The following ZNF804B variants were observed in gnomAD, a reference collection of about 807,000 sequenced individuals.
ZNF804B encodes the protein zinc finger 804B.
ZNF804B carries 80 observed loss-of-function variants against 101.4 expected under a neutral mutation model. The ratio of observed to expected loss-of-function variants is 0.79; its 90% CI spans 0.66 to 0.95. The LOEUF (loss-of-function observed/expected upper bound fraction) is 0.95. Among genes scored for constraint, ZNF804B ranks in the 40% least tolerant of loss-of-function variants. The pLI is 0.00. For missense variants in ZNF804B, 1,673 were observed against 1,561.9 expected (o/e 1.07, Z -1.20); for synonymous variants, 622 against 558.8 (o/e 1.11, Z -1.59).
At chr7:89,250,420 T>C (rs946054236) in intron 2 of ZNF804B, among the ~76,000 whole-genome samples, 5 of 152,092 alleles carry the variant, frequency 3.3e-5, no homozygotes, top group African/African-American at 1.2e-4. Context: ...CAATATCATG[T>C]TCTGAAATGG....
chr7:88,874,817 C>T (rs1353790446), intron 1 of ZNF804B, among the ~76,000 whole-genome samples: 1 of 151,460 alleles, frequency 6.6e-6, no homozygotes, highest in Non-Finnish European at 1.5e-5. Flanking sequence ...ACCTAATAGA[C>T]ATCTACAGAA....
intron 1 of ZNF804B, among the ~76,000 whole-genome samples, chr7:89,033,708 T>G (rs910511717): frequency 6.6e-5 from 10 of 152,100 alleles, no homozygotes; most frequent in Admixed American, 3.9e-4. Context: ...AAAGAATACC[T>G]TTCCTGATGA....
At chr7:89,282,444 A>G (rs923461260) in intron 2 of ZNF804B, among the ~76,000 whole-genome samples, 1 of 152,198 alleles carries the variant, frequency 6.6e-6, no homozygotes, top group Non-Finnish European at 1.5e-5. Flanking sequence ...AAAAATAACA[A>G]AACAACAACA....
At chr7:89,012,140 T>G (rs6956290) in intron 1 of ZNF804B, among the ~76,000 whole-genome samples, 4,308 of 152,292 alleles carry the variant, frequency 0.028, 92 homozygotes, top group Non-Finnish European at 0.043. Context: ...TCTGAGGCAA[T>G]GGCCTGAGCT....
chr7:89,069,572 ACG>A (rs2116294788), intron 1 of ZNF804B, among the ~76,000 whole-genome samples: 1 of 152,326 alleles, frequency 6.6e-6, no homozygotes, highest in South Asian at 2.1e-4. Context: ...AGTATGATAT[ACG>A]ATAAGCATTT....
intron 1 of ZNF804B, among the ~76,000 whole-genome samples, chr7:88,908,794 T>A (rs2115969962): frequency 6.6e-6 from 1 of 151,968 alleles, no homozygotes; most frequent in Non-Finnish European, 1.5e-5. Flanking sequence ...ATGCCAGCTT[T>A]GAAATTAGTA....
At chr7:88,970,222 G>A (rs996307323) in intron 1 of ZNF804B, among the ~76,000 whole-genome samples, 9 of 151,478 alleles carry the variant, frequency 5.9e-5, no homozygotes, top group Non-Finnish European at 1.0e-4. Context: ...TAAGTTCTGG[G>A]ATACATGTGC....
At chr7:88,856,865 C>T (rs901136488) in intron 1 of ZNF804B, among the ~76,000 whole-genome samples, 5 of 151,996 alleles carry the variant, frequency 3.3e-5, no homozygotes, top group African/African-American at 1.2e-4. Context: ...TTGAGATAAT[C>T]GTATGTTTTT....
intron 1 of ZNF804B, among the ~76,000 whole-genome samples, chr7:88,820,146 T>G (rs1046683884): frequency 6.6e-6 from 1 of 152,214 alleles, no homozygotes; most frequent in East Asian, 1.9e-4. Context: ...CAAAGCAATT[T>G]AAGAATTCTA....
At chr7:88,776,770 T>C (rs895263164) in intron 1 of ZNF804B, among the ~76,000 whole-genome samples, 2 of 114,164 alleles carry the variant, frequency 1.8e-5, no homozygotes, top group African/African-American at 8.2e-5. Flanking sequence ...CCCCAATTAG[T>C]AACCCATAAA....
intron 2 of ZNF804B, among the ~76,000 whole-genome samples, chr7:89,272,149 A>T (rs975583839): frequency 6.6e-6 from 1 of 151,952 alleles, no homozygotes; most frequent in Non-Finnish European, 1.5e-5. Flanking sequence ...CATTCTCCTT[A>T]ATGCTTCAGT....
chr7:89,292,201 T>G (rs1268939751), intron 2 of ZNF804B, among the ~76,000 whole-genome samples: 3 of 152,100 alleles, frequency 2.0e-5, no homozygotes, highest in South Asian at 2.1e-4. Flanking sequence ...TAAGAAATCA[T>G]GTGAAGGTAT....
At chr7:89,119,104 T>C (rs2116363332) in intron 1 of ZNF804B, among the ~76,000 whole-genome samples, 1 of 152,284 alleles carries the variant, frequency 6.6e-6, no homozygotes, top group South Asian at 2.1e-4. Context: ...ACATTTTGAG[T>C]GCTTATTATG....
chr7:89,320,648 C>T (rs899960263), intron 2 of ZNF804B, among the ~76,000 whole-genome samples: 1 of 151,946 alleles, frequency 6.6e-6, no homozygotes, highest in Non-Finnish European at 1.5e-5. Flanking sequence ...ATAAAAGATA[C>T]AAAACTACAG....
intron 2 of ZNF804B, among the ~76,000 whole-genome samples, chr7:89,299,564 A>G (rs1296624208): frequency 6.6e-6 from 1 of 152,088 alleles, no homozygotes; most frequent in African/African-American, 2.4e-5. Flanking sequence ...AATACAAGTT[A>G]AAAGAAAAAT....
intron 1 of ZNF804B, among the ~76,000 whole-genome samples, chr7:88,928,995 A>T (rs1326890570): frequency 1.3e-5 from 2 of 152,134 alleles, no homozygotes; most frequent in Non-Finnish European, 2.9e-5. Flanking sequence ...ATATAACCAA[A>T]GGAAAAATAA....
intron 1 of ZNF804B, among the ~76,000 whole-genome samples, chr7:89,134,989 G>C (rs1200935348): frequency 6.6e-6 from 1 of 152,038 alleles, no homozygotes; most frequent in Non-Finnish European, 1.5e-5. Context: ...TGGAAAAAGA[G>C]ATATTTGAAC....
chr7:89,277,005 A>G (rs1469203073), intron 2 of ZNF804B, among the ~76,000 whole-genome samples: 1 of 151,366 alleles, frequency 6.6e-6, no homozygotes, highest in Non-Finnish European at 1.5e-5. Flanking sequence ...GGAATTTGCT[A>G]GCATTAGCAC....
chr7:88,976,534 G>C (rs1793617900), intron 1 of ZNF804B, among the ~76,000 whole-genome samples: 1 of 151,334 alleles, frequency 6.6e-6, no homozygotes, highest in Admixed American at 6.6e-5. Flanking sequence ...TTCTTTTTCA[G>C]ACTGTTCGTC....
Sources: gnomAD v4.1 joint callset for allele counts (sites outside exome capture counted in the v4.1 genomes callset) on GRCh38, gnomAD v4.1.1 for gene constraint, MANE v1.5 for transcripts, NCBI Gene and HGNC (gene_info 2026-07-23, HGNC 2026-07-21) for gene names.